Variants in CRIM1 observed in about 807,000 individuals in gnomAD.
CRIM1 encodes the protein cysteine-rich motor neuron 1 protein.
A neutral mutation model predicts 116.4 loss-of-function variants in CRIM1; 32 were observed. The ratio of observed to expected loss-of-function variants is 0.27; its 90% confidence interval spans 0.21 to 0.37. The LOEUF (loss-of-function observed/expected upper bound fraction) is 0.37. Among genes scored for constraint, CRIM1 ranks in the 10% least tolerant of loss-of-function variants. The probability of loss-of-function intolerance (pLI) is 1.00; values close to 1 mark genes in which losing one functional copy is unlikely to be tolerated. For synonymous variants in CRIM1, 590 were observed against 509.2 expected (o/e 1.16, Z -2.13); for missense variants, 1,331 against 1,354.8 (o/e 0.98, Z 0.28).
chr2:36,516,935 C>A (rs953775927), intron 11 of CRIM1, among the ~76,000 whole-genome samples: 2 of 152,254 alleles, frequency 1.3e-5, no homozygotes, highest in Non-Finnish European at 2.9e-5. Flanking sequence ...AAGTGCTTAG[C>A]ATGGAAATAA....
intron 7 of CRIM1, among the ~76,000 whole-genome samples, chr2:36,490,541 A>G (rs1219320663): frequency 3.3e-5 from 5 of 152,154 alleles, no homozygotes; most frequent in Admixed American, 2.6e-4. Flanking sequence ...TTCAAAGGCC[A>G]GTCCACTCCT....
At chr2:36,374,999 C>CT (rs545030052) in intron 1 of CRIM1, among the ~76,000 whole-genome samples, 3,147 of 143,154 alleles carry the variant, frequency 0.022, 88 homozygotes, top group African/African-American at 0.07. Context: ...AATTCTGTTG[C>CT]TTTTTTTTTT....
intron 6 of CRIM1, 134 bp from the exon 7 acceptor site, chr2:36,479,363 C>A: frequency 1.2e-6 from 1 of 800,340 alleles, no homozygotes; most frequent in Non-Finnish European, 2.0e-6. Context: ...CTCATGCAAC[C>A]CTGCGCTTCT....
At chr2:36,376,827 G>T (rs1670356665) in intron 1 of CRIM1, among the ~76,000 whole-genome samples, 1 of 152,112 alleles carries the variant, frequency 6.6e-6, no homozygotes, top group Non-Finnish European at 1.5e-5. Context: ...TAAAAATAAT[G>T]AACACCAAGC....
intron 1 of CRIM1, among the ~76,000 whole-genome samples, chr2:36,366,018 G>C: frequency 6.6e-6 from 1 of 152,218 alleles, no homozygotes; most frequent in East Asian, 1.9e-4. Flanking sequence ...GAGCCACCGC[G>C]CCCAGCCCAG....
rs79116114 is a variant in CRIM1 at position 36,417,906 on chromosome 2, G to C, written c.505+21119G>C. ...AATCAGAAATTGTGGCATTTTCTGT[G>C]AACATTGAAGGATGAACAGGATTTC... On this transcript the variant is annotated intron_variant, in intron 2 of 16. Transcript: ENST00000280527. Among the ~76,000 whole-genome samples the C allele has an allele frequency of 5.7e-3, 864 of 152,320 alleles. 8 individuals are homozygous for C. The highest frequency in any genetic ancestry group is 0.018 in the African/African-American group (766 of 41,568).
chr2:36,426,194 C>G (rs989841914), intron 2 of CRIM1, among the ~76,000 whole-genome samples: 10 of 151,722 alleles, frequency 6.6e-5, no homozygotes, highest in African/African-American at 2.4e-4. Flanking sequence ...AATGCATAGT[C>G]CAGAACCAAG....
chr2:36,527,599 A>T (rs1361126427), intron 13 of CRIM1, among the ~76,000 whole-genome samples: 2 of 152,234 alleles, frequency 1.3e-5, no homozygotes, highest in African/African-American at 4.8e-5. Context: ...TATCAAGTCA[A>T]TACATTATTC....
intron 2 of CRIM1, among the ~76,000 whole-genome samples, chr2:36,415,176 C>A (rs936877000): frequency 6.6e-6 from 1 of 152,032 alleles, no homozygotes; most frequent in Admixed American, 6.5e-5. Flanking sequence ...CAGAGTGACC[C>A]CAGGGTTCTG....
At chr2:36,505,157 T>G (rs1242535218) in intron 8 of CRIM1, among the ~76,000 whole-genome samples, 1 of 152,226 alleles carries the variant, frequency 6.6e-6, no homozygotes, top group East Asian at 1.9e-4. Flanking sequence ...TTTGTAATGT[T>G]GCATTTCTTT....
At chr2:36,504,291 A>G (rs1256862623) in intron 8 of CRIM1, among the ~76,000 whole-genome samples, 7 of 152,174 alleles carry the variant, frequency 4.6e-5, no homozygotes, top group Admixed American at 6.5e-5. Flanking sequence ...AGTGCCTACT[A>G]TATCCTAAAG....
At position 36,356,863 on chromosome 2, in the gene CRIM1, G is replaced by A. The variant is rs1038259020; in HGVS notation, c.331+240G>A. Among the ~76,000 whole-genome samples, 1 of 152,154 alleles carries A rather than the reference G, an allele frequency of 6.6e-6. No homozygotes were observed. The highest frequency in any genetic ancestry group is 1.9e-4 in the East Asian group (1 of 5,168). On this transcript the variant is annotated intron_variant, in intron 1 of 16. Coordinates refer to ENST00000280527, the MANE Select transcript of CRIM1 (RefSeq NM_016441.3). This position sits in a 1 kb window ranked among gnomAD's most constrained non-coding sequence, Gnocchi z 4.3. ...GGTGGGTGGGGGCGAGCGAGTGGAGGATCGCCCCTGTCCCCGCGCAGACGC... is the reference window on the plus strand; with the variant it reads ...GGTGGGTGGGGGCGAGCGAGTGGAGAATCGCCCCTGTCCCCGCGCAGACGC...
chr2:36,471,306 A>G (rs1406965092), intron 5 of CRIM1, among the ~76,000 whole-genome samples: 1 of 152,172 alleles, frequency 6.6e-6, no homozygotes, highest in Non-Finnish European at 1.5e-5. Context: ...AACAAGTTCT[A>G]CTGTAAGTAA....
At chr2:36,536,487 C>T (rs530108206) in intron 13 of CRIM1, among the ~76,000 whole-genome samples, 6 of 152,126 alleles carry the variant, frequency 3.9e-5, no homozygotes, top group African/African-American at 1.4e-4. Context: ...CCCCCGCCAC[C>T]GGGTTTCGAT....
chr2:36,377,385 A>G (rs1670405491), intron 1 of CRIM1, among the ~76,000 whole-genome samples: 1 of 152,222 alleles, frequency 6.6e-6, no homozygotes, highest in East Asian at 1.9e-4. Flanking sequence ...TTTAGATGAT[A>G]AATTCCATAG....
At chr2:36,408,993 A>G (rs1317846168) in intron 2 of CRIM1, among the ~76,000 whole-genome samples, 2 of 143,668 alleles carry the variant, frequency 1.4e-5, no homozygotes, top group East Asian at 2.1e-4. Flanking sequence ...TAGTATCTTG[A>G]TTAAGAGATC....
chr2:36,496,285 A>G (rs1053075836), intron 7 of CRIM1, among the ~76,000 whole-genome samples: 1 of 152,208 alleles, frequency 6.6e-6, no homozygotes, highest in Non-Finnish European at 1.5e-5. Context: ...ACATATCACA[A>G]TGACTATTGT....
intron 2 of CRIM1, among the ~76,000 whole-genome samples, chr2:36,430,080 G>A (rs937801880): frequency 2.1e-4 from 32 of 152,202 alleles, no homozygotes; most frequent in Admixed American, 1.9e-3. Context: ...AGCACATCCC[G>A]TCAGCCAGAT....
In CRIM1 at chr2:36,550,669, T is replaced by C. The variant is rs1390597000; in HGVS notation, c.*1968T>C. On this transcript the variant is annotated 3_prime_UTR_variant, in exon 17 of 17. Transcript: ENST00000280527. ...CTGTTTGCATCAAAGGAAAAAAAGA[T>C]TTATTATCAAGGGGCAATATTTTTA... is the stretch of plus-strand genomic sequence containing the variant. 3 of 152,406 alleles carry C rather than the reference T, an allele frequency of 2.0e-5. No homozygotes were observed. The highest frequency in any genetic ancestry group is 2.0e-4 in the Admixed American group (3 of 15,264). 9.4% of individuals were successfully genotyped at this position (152,406 alleles called of 1,614,324 possible).
Sources: allele counts gnomAD v4.1 joint callset (sites outside exome capture counted in the v4.1 genomes callset), GRCh38; gene constraint gnomAD v4.1.1; non-coding constraint Gnocchi (gnomAD v3.1); transcripts MANE v1.5; gene names NCBI Gene and HGNC (gene_info 2026-07-23, HGNC 2026-07-21).